XDH: variants seen among roughly 807,000 people sequenced by gnomAD.
XDH encodes the protein xanthine dehydrogenase.
Under a neutral mutation model 156.1 loss-of-function variants are expected in XDH, and 138 were observed. The ratio of observed to expected loss-of-function variants is 0.88; its 90% CI spans 0.77 to 1.02. The LOEUF is 1.02. XDH is among the 50% of genes least tolerant of loss of function. The pLI, the probability that XDH is intolerant of heterozygous loss-of-function variation, is 0.00. For missense variants in XDH, 1,849 were observed against 1,684.9 expected, an observed-to-expected ratio of 1.10 and a Z score of -1.71; for synonymous variants, 669 against 625.7, an observed-to-expected ratio of 1.07 and a Z score of -1.03.
intron 31 of XDH, among the ~76,000 whole-genome samples, chr2:31,342,636 A>G (rs564821604): frequency 7.9e-5 from 12 of 152,314 alleles, no homozygotes; most frequent in Non-Finnish European, 1.6e-4. Context: ...CACACTCCAA[A>G]GGATGTACTG....
chr2:31,368,527 C>T lies in XDH; in HGVS notation c.2100+14G>A. 1 of 1,614,088 alleles carries T rather than the reference C, an allele frequency of 6.2e-7. No individual in the cohort carries two copies. Among genetic ancestry groups the T allele is most frequent in the Middle Eastern group, 1.7e-4 (1 of 6,060 alleles). On this transcript the variant is annotated intron_variant, in intron 19 of 35. Transcript: ENST00000379416. Reference sequence around the variant, plus strand: ...GAGCTCACTCCTCTACACAGGCAGCCCATTCTCAGTTACCTCAATTGTGAT... The same window carrying T: ...GAGCTCACTCCTCTACACAGGCAGCTCATTCTCAGTTACCTCAATTGTGAT...
rs1685115702 is a variant in XDH at position 31,341,251 on chromosome 2, G to A, written c.3585+78C>T. 8 of 1,357,840 alleles carry A rather than the reference G, an allele frequency of 5.9e-6. No homozygotes were observed. The Admixed American group carries it at 7.9e-5, about 13-fold the overall frequency. The allele number at this position is 1,357,840 out of a possible 1,614,324, so 84.1% of individuals were successfully genotyped here. On this transcript the variant is annotated intron_variant, in intron 33 of 35. Coordinates refer to ENST00000379416, the MANE Select transcript of XDH (RefSeq NM_000379.4). Reference sequence around the variant, plus strand: ...TGAAGACAACCTTGGACAACATGTTGTGGCAGGTGGCCCCAGGAGGGGAAT... The same window carrying A: ...TGAAGACAACCTTGGACAACATGTTATGGCAGGTGGCCCCAGGAGGGGAAT...
At chr2:31,367,762 G>T (rs1685960163) in intron 20 of XDH, among the ~76,000 whole-genome samples, 199 bp downstream of exon 20, 1 of 152,172 alleles carries the variant, frequency 6.6e-6, no homozygotes, top group Admixed American at 6.5e-5. Flanking sequence ...CCAGCCTAGA[G>T]ACAGGAGAGT....
At position 31,350,015 on chromosome 2, in the gene XDH, C is replaced by T. The variant is rs897184908; in HGVS notation, c.2823+17G>A. 8 of 1,613,416 alleles carry T rather than the reference C, an allele frequency of 5.0e-6. No homozygotes were observed. In the African/African-American group the frequency reaches 1.1e-4, roughly 22 times the overall value. On this transcript the variant is annotated intron_variant, in intron 25 of 35. Transcript: ENST00000379416. ...GTCTAAAGCACTCTGACTTGTGCTA[C>T]CAAATTCTCAGCTTACCTCCTCTGC...
In XDH at chr2:31,350,060, G is replaced by A. The variant is rs949887614; in HGVS notation, c.2795C>T (p.Ala932Val). The change falls in exon 25 of 36, where the codon GCA becomes GTA. Residue 932 changes from alanine (A) to valine (V), a missense_variant. By Grantham distance (64) the Ala-to-Val change is moderately conservative. Transcript: ENST00000379416. ...CTCTGCAGGCATCCCACAGGTCACTGCAACTTCACTCATCCAGCACTCGGC... is the reference window on the plus strand; with the variant it reads ...CTCTGCAGGCATCCCACAGGTCACTACAACTTCACTCATCCAGCACTCGGC... ...LIAECWMSEV[A>V]VTCGMPAEEV... is the part of the protein sequence containing the mutation. 6.2e-7 allele frequency: 1 copy of A among 1,614,052 alleles called. No homozygotes were observed. The highest frequency in any genetic ancestry group is 1.3e-5 in the African/African-American group (1 of 74,926).
chr2:31,362,114 T>C (rs1685795238), intron 24 of XDH, among the ~76,000 whole-genome samples: 1 of 152,186 alleles, frequency 6.6e-6, no homozygotes, highest in Admixed American at 6.5e-5. Flanking sequence ...ACTGACTATG[T>C]TGCTTTTCTG....
At chr2:31,370,296 A>G in intron 18 of XDH, 59 bp downstream of exon 18, 1 of 1,589,586 alleles carries the variant, frequency 6.3e-7, no homozygotes, top group Non-Finnish European at 8.6e-7. Flanking sequence ...AGCAATGTAC[A>G]CAAATTAAAA....
At position 31,368,605 on chromosome 2, in the gene XDH, G is replaced by A. The variant is rs994085768; in HGVS notation, c.2036C>T (p.Thr679Ile). Residue 679 changes from threonine (T) to isoleucine (I), a missense_variant, in exon 19 of 36, where the codon ACA becomes ATA. By Grantham distance (89) the Thr-to-Ile change is moderately conservative. Coordinates refer to ENST00000379416, the MANE Select transcript of XDH (RefSeq NM_000379.4). ...GAVVADTPEH[T>I]QRAAQGVKIT... ...TTTCACCCCTTGGGCAGCTCTCTGT[G>A]TGTGTTCCGGGGTGTCAGCAACCAC... The A allele has an allele frequency of 1.2e-6, 2 of 1,614,082 alleles. No homozygotes were observed. The highest frequency in any genetic ancestry group is 2.7e-5 in the African/African-American group (2 of 74,934).
At chr2:31,383,679 G>C in intron 10 of XDH, 76 bp downstream of exon 10, 1 of 1,425,416 alleles carries the variant, frequency 7.0e-7, no homozygotes, top group Non-Finnish European at 9.7e-7. Context: ...AGACCACCCT[G>C]ATACCTGCCA....
intron 21 of XDH, among the ~76,000 whole-genome samples, chr2:31,366,388 T>A (rs1192927147): frequency 6.6e-6 from 1 of 152,084 alleles, no homozygotes; most frequent in Non-Finnish European, 1.5e-5. Context: ...ATCATGAGAG[T>A]AGGACCAGCT....
chr2:31,367,146 G>T (rs1685936398), intron 20 of XDH, 152 bp from the exon 21 acceptor site: 1 of 1,333,532 alleles, frequency 7.5e-7, no homozygotes, highest in Non-Finnish European at 1.0e-6. Context: ...GGGTGGAAAA[G>T]GATCCCAAAG....
At chr2:31,411,346 GA>G (rs1687339083) in intron 1 of XDH, among the ~76,000 whole-genome samples, 1 of 150,836 alleles carries the variant, frequency 6.6e-6, no homozygotes, top group Admixed American at 6.6e-5. Flanking sequence ...CATGATGTCT[GA>G]AACTTACTGT....
At chr2:31,370,521 A>AG (rs1686044339) in intron 17 of XDH, 43 bp from the exon 18 acceptor site, 1 of 1,612,408 alleles carries the variant, frequency 6.2e-7, no homozygotes, top group African/African-American at 1.3e-5. Context: ...AGCAAGCTGG[A>AG]GCAGGGGACC....
In XDH at chr2:31,365,479, T is replaced by A; in HGVS notation, c.2522A>T (p.His841Leu). The A allele has an allele frequency of 6.2e-7, 1 of 1,614,212 alleles. No homozygotes were observed. The highest frequency in any genetic ancestry group is 8.5e-7 in the Non-Finnish European group (1 of 1,180,034). ...DEDMLITGGR[H>L]PFLARYKVGF... ...AACCTTGTATCTGGCCAGGAAGGGA[T>A]GTCTGCCACCAGTTATCAGCATGTC... The change falls in exon 23 of 36, where the codon CAT (histidine) becomes CTT (leucine). Residue 841 changes from histidine (H) to leucine (L), a missense_variant. By Grantham distance (99) the His-to-Leu change is moderately conservative. Coordinates refer to ENST00000379416, the MANE Select transcript of XDH (RefSeq NM_000379.4).
At chr2:31,398,012 G>C (rs998758277) in intron 5 of XDH, among the ~76,000 whole-genome samples, 6 of 152,182 alleles carry the variant, frequency 3.9e-5, no homozygotes, top group African/African-American at 1.2e-4. Context: ...TCATCAGTTA[G>C]CCTATCAGAC....
At chr2:31,360,585 G>C (rs1252291862) in intron 24 of XDH, among the ~76,000 whole-genome samples, 3 of 152,192 alleles carry the variant, frequency 2.0e-5, no homozygotes, top group African/African-American at 7.2e-5. Flanking sequence ...TGCGGGATGT[G>C]AATCTTCCCT....
intron 31 of XDH, among the ~76,000 whole-genome samples, chr2:31,343,314 A>ATATATATATATATATGCATGTT (rs1558675353): frequency 1.9e-4 from 25 of 129,752 alleles, no homozygotes; most frequent in Non-Finnish European, 3.8e-4. Flanking sequence ...ATATATATAT[A>ATATATATATATATATGCATGTT]TATATATATA....
At chr2:31,406,102 T>A in intron 1 of XDH, 138 bp from the exon 2 acceptor site, 2 of 954,534 alleles carry the variant, frequency 2.1e-6, no homozygotes, top group Non-Finnish European at 3.3e-6. Flanking sequence ...TCTGCCCCTC[T>A]AAATCTCATG....
At chr2:31,384,887 A>G (rs950855982) in intron 9 of XDH, among the ~76,000 whole-genome samples, 2 of 152,190 alleles carry the variant, frequency 1.3e-5, no homozygotes, top group Admixed American at 6.5e-5. Flanking sequence ...CCTTCCCCCA[A>G]CACTCTGCGT....
Sources: allele counts gnomAD v4.1 joint callset (sites outside exome capture counted in the v4.1 genomes callset), GRCh38; gene constraint gnomAD v4.1.1; transcripts MANE v1.5; gene names NCBI Gene and HGNC (gene_info 2026-07-23, HGNC 2026-07-21).